FHIT: variants seen among roughly 807,000 people sequenced by gnomAD.
FHIT encodes fragile histidine triad diadenosine triphosphatase.
In FHIT, 19 loss-of-function variants were observed where a neutral mutation model predicts 17.9. The ratio of observed to expected loss-of-function variants is 1.06; its 90% CI spans 0.74 to 1.56. The LOEUF (loss-of-function observed/expected upper bound fraction) is 1.56. FHIT is among the 40% of genes most tolerant of loss of function. FHIT has a pLI of 0.00. For missense variants in FHIT, 248 were observed against 189.2 expected (o/e 1.31, Z -1.82); for synonymous variants, 81 against 69.7 (o/e 1.16, Z -0.81).
chr3:61,144,835 T>C (rs1324330451), intron 2 of FHIT, among the ~76,000 whole-genome samples: 1 of 152,176 alleles, frequency 6.6e-6, no homozygotes, highest in Non-Finnish European at 1.5e-5. Flanking sequence ...CTATTAACCA[T>C]TTGTATATCT....
intron 5 of FHIT, among the ~76,000 whole-genome samples, chr3:60,364,009 C>T (rs911500863): frequency 5.9e-5 from 9 of 151,426 alleles, no homozygotes; most frequent in African/African-American, 2.2e-4. Context: ...TGCCGTTACT[C>T]ATCCCAGTAA....
chr3:59,927,463 T>TAAAAAAAA lies in FHIT; in HGVS notation c.280-5057_280-5050dup, dbSNP rs58083993. Among the ~76,000 whole-genome samples the TAAAAAAAA allele has an allele frequency of 3.8e-5, 5 of 130,264 alleles. 1 individual carries two copies. Among genetic ancestry groups the TAAAAAAAA allele is most frequent in the Non-Finnish European group, 6.3e-5 (4 of 63,702 alleles). The allele number at this position is 130,264 out of a possible 152,430, so 85.5% of individuals were successfully genotyped here. On this transcript the variant is annotated intron_variant, in intron 7 of 9. Coordinates refer to ENST00000492590, the MANE Select transcript of FHIT (RefSeq NM_002012.4). ...ATTATATCTCAATAAAGCTATTACT[T>TAAAAAAAA]AAAAAAAAAAAAAAAAACTGAAGGC...
intron 5 of FHIT, among the ~76,000 whole-genome samples, chr3:60,015,286 A>G (rs1182694539): frequency 6.6e-6 from 1 of 152,144 alleles, no homozygotes; most frequent in African/African-American, 2.4e-5. Flanking sequence ...TGATTTCCAT[A>G]AGAGAGAGGG....
intron 5 of FHIT, among the ~76,000 whole-genome samples, chr3:60,473,031 G>A (rs1305887647): frequency 6.6e-6 from 1 of 152,096 alleles, no homozygotes; most frequent in Non-Finnish European, 1.5e-5. Context: ...CCAATGAAAT[G>A]CATGTCCCAG....
chr3:60,560,669 G>C (rs1267415635), intron 4 of FHIT, among the ~76,000 whole-genome samples: 2 of 152,038 alleles, frequency 1.3e-5, no homozygotes, highest in Non-Finnish European at 2.9e-5. Context: ...CTGATGGGCA[G>C]ACTGTTCACA....
Position 61,017,015 on chromosome 3 carries a change from G to A in FHIT, c.-111+25032C>T, listed in dbSNP as rs967270498. On this transcript the variant is annotated intron_variant, in intron 3 of 9. Transcript: ENST00000492590. The stretch of plus-strand genomic sequence containing the variant: ...AAAATAAAATACAGAGGCTGGGCCT[G>A]GTGGCTCACACCTGTAATCCCAGCA... 6.8e-4 allele frequency among the ~76,000 whole-genome samples: 99 copies of A among 145,966 alleles called. 1 individual carries two copies. Among genetic ancestry groups the A allele is most frequent in the East Asian group, 4.3e-3 (22 of 5,170 alleles).
intron 8 of FHIT, among the ~76,000 whole-genome samples, chr3:59,856,672 G>A (rs1702169812): frequency 6.6e-6 from 1 of 152,192 alleles, no homozygotes; most frequent in Admixed American, 6.5e-5. Flanking sequence ...TTTTCTAGCT[G>A]TATAATGTAG....
chr3:60,408,075 C>T (rs1701939164), intron 5 of FHIT, among the ~76,000 whole-genome samples: 1 of 152,174 alleles, frequency 6.6e-6, no homozygotes. Flanking sequence ...GTCTTTTCAA[C>T]CAGCACTCAC....
chr3:61,097,536 C>T (rs1286981450), intron 2 of FHIT, among the ~76,000 whole-genome samples: 1 of 152,124 alleles, frequency 6.6e-6, no homozygotes, highest in Non-Finnish European at 1.5e-5. Flanking sequence ...CACTGTCTTC[C>T]ACAATGGTTG....
At chr3:60,161,838 G>A (rs1213607629) in intron 5 of FHIT, among the ~76,000 whole-genome samples, 1 of 152,136 alleles carries the variant, frequency 6.6e-6, no homozygotes, top group East Asian at 1.9e-4. Flanking sequence ...TGTGCATCAG[G>A]CTCGATGGTG....
At chr3:61,193,460 C>T (rs2038771445) in intron 2 of FHIT, among the ~76,000 whole-genome samples, 1 of 152,188 alleles carries the variant, frequency 6.6e-6, no homozygotes, top group Admixed American at 6.5e-5. Context: ...CAAGAAGCCT[C>T]TCATGGTGAC....
chr3:60,795,961 C>A, intron 4 of FHIT, among the ~76,000 whole-genome samples: 1 of 152,272 alleles, frequency 6.6e-6, no homozygotes, highest in East Asian at 1.9e-4. Flanking sequence ...TTTAATTAGA[C>A]TTACAGTTCC....
At chr3:60,134,693 A>G (rs1001192651) in intron 5 of FHIT, among the ~76,000 whole-genome samples, 2 of 152,184 alleles carry the variant, frequency 1.3e-5, no homozygotes, top group Admixed American at 1.3e-4. Flanking sequence ...CAAGAGAGAC[A>G]CCGACAAATG....
chr3:60,467,578 C>T (rs2032868361), intron 5 of FHIT, among the ~76,000 whole-genome samples: 1 of 151,342 alleles, frequency 6.6e-6, no homozygotes, highest in Non-Finnish European at 1.5e-5. Flanking sequence ...TTCATTGACC[C>T]ACTGGTCATT....
intron 5 of FHIT, among the ~76,000 whole-genome samples, chr3:60,336,144 A>G (rs1489371972): frequency 6.6e-6 from 1 of 152,222 alleles, no homozygotes; most frequent in Non-Finnish European, 1.5e-5. Context: ...GCTTTACATC[A>G]GCAGCAAGCT....
intron 2 of FHIT, among the ~76,000 whole-genome samples, chr3:61,109,975 G>A (rs1319742941): frequency 6.6e-6 from 1 of 152,034 alleles, no homozygotes; most frequent in Non-Finnish European, 1.5e-5. Flanking sequence ...CCAAAATCAA[G>A]CCACCACCAA....
At chr3:59,777,862 T>G (rs1314122455) in intron 8 of FHIT, among the ~76,000 whole-genome samples, 5 of 152,172 alleles carry the variant, frequency 3.3e-5, no homozygotes, top group Non-Finnish European at 7.4e-5. Context: ...CAATCACTAT[T>G]CACTCTGCTT....
intron 4 of FHIT, among the ~76,000 whole-genome samples, chr3:60,751,112 C>G (rs1334304768): frequency 6.6e-6 from 1 of 152,214 alleles, no homozygotes; most frequent in Non-Finnish European, 1.5e-5. Context: ...CCTTTCTCAC[C>G]AACCAGGTAA....
At chr3:60,423,078 C>T (rs1702534196) in intron 5 of FHIT, among the ~76,000 whole-genome samples, 1 of 152,120 alleles carries the variant, frequency 6.6e-6, no homozygotes, top group African/African-American at 2.4e-5. Flanking sequence ...CCTAGACATA[C>T]CCAACGGAAC....
Sources: gnomAD v4.1 joint callset for allele counts (sites outside exome capture counted in the v4.1 genomes callset) on GRCh38, gnomAD v4.1.1 for gene constraint, MANE v1.5 for transcripts, NCBI Gene and HGNC (gene_info 2026-07-23, HGNC 2026-07-21) for gene names.